The following TOGARAM1 variants were observed in gnomAD, a reference collection of about 807,000 sequenced individuals.
The protein encoded by TOGARAM1 is TOG array regulator of axonemal microtubules 1, also known as TOG array regulator of axonemal microtubules protein 1.
A neutral mutation model predicts 166.6 loss-of-function variants in TOGARAM1; 100 were observed. That is an observed-to-expected ratio of 0.60 (90% CI 0.51 to 0.71). The LOEUF (loss-of-function observed/expected upper bound fraction) is 0.71, where lower values mean the gene tolerates loss of function less well. Among genes scored for constraint, TOGARAM1 ranks in the 30% least tolerant of loss-of-function variants. The pLI, the probability that TOGARAM1 is intolerant of heterozygous loss-of-function variation, is 0.00. For synonymous variants in TOGARAM1, 758 were observed against 763.8 expected (o/e 0.99, Z 0.13); for missense variants, 2,029 against 2,102.7 (o/e 0.96, Z 0.69).
intron 16 of TOGARAM1, among the ~76,000 whole-genome samples, chr14:45,058,977 C>T (rs1426641414): frequency 6.6e-6 from 1 of 151,984 alleles, no homozygotes; most frequent in African/African-American, 2.4e-5. Context: ...ATGTTTAGGG[C>T]CCATTTGGGT....
chr14:45,050,242 C>A (rs907788332), intron 14 of TOGARAM1, among the ~76,000 whole-genome samples: 1 of 152,016 alleles, frequency 6.6e-6, no homozygotes, highest in Non-Finnish European at 1.5e-5. Flanking sequence ...GAAGGGGTCA[C>A]GTTGAGATAT....
At chr14:44,974,378 TG>T (rs1886066542) in intron 1 of TOGARAM1, among the ~76,000 whole-genome samples, 1 of 152,140 alleles carries the variant, frequency 6.6e-6, no homozygotes, top group South Asian at 2.1e-4. Flanking sequence ...TAACGCTTCA[TG>T]ACTTATATTA....
intron 16 of TOGARAM1, among the ~76,000 whole-genome samples, chr14:45,059,517 C>T (rs879864520): frequency 6.6e-5 from 10 of 152,016 alleles, no homozygotes; most frequent in Admixed American, 5.9e-4. Flanking sequence ...GACGTGATGG[C>T]GCACGCCTGT....
At chr14:45,066,512 A>G (rs1883143301) in intron 16 of TOGARAM1, 66 bp from the exon 17 acceptor site, 2 of 1,368,410 alleles carry the variant, frequency 1.5e-6, no homozygotes, top group Non-Finnish European at 2.0e-6. Flanking sequence ...TTTTTAAATT[A>G]TGTTTGTATA....
At chr14:45,049,480 C>T (rs914434437) in intron 14 of TOGARAM1, among the ~76,000 whole-genome samples, 2 of 152,062 alleles carry the variant, frequency 1.3e-5, no homozygotes, top group African/African-American at 2.4e-5. Context: ...AGGATCACCT[C>T]GATCTCCTGA....
chr14:45,043,480 T>C (rs1401211291), intron 11 of TOGARAM1, among the ~76,000 whole-genome samples: 1 of 152,096 alleles, frequency 6.6e-6, no homozygotes, highest in African/African-American at 2.4e-5. Context: ...CCAGCCCACA[T>C]TGCACTTTTA....
At chr14:45,042,652 A>G (rs1305616207) in intron 11 of TOGARAM1, among the ~76,000 whole-genome samples, 1 of 152,200 alleles carries the variant, frequency 6.6e-6, no homozygotes, top group Non-Finnish European at 1.5e-5. Context: ...AAAGATATAA[A>G]AGTTATCTTT....
intron 7 of TOGARAM1, among the ~76,000 whole-genome samples, chr14:45,015,434 A>G (rs1880073786): frequency 6.6e-6 from 1 of 151,648 alleles, no homozygotes; most frequent in African/African-American, 2.4e-5. Context: ...TGACTCAAAT[A>G]TATAATGCCT....
At chr14:45,040,986 A>T (rs955486184) in intron 11 of TOGARAM1, among the ~76,000 whole-genome samples, 5 of 151,844 alleles carry the variant, frequency 3.3e-5, no homozygotes, top group African/African-American at 9.7e-5. Flanking sequence ...TTGCAGTGAG[A>T]TGAGATCGCA....
rs1449067242 is a variant in TOGARAM1 at position 44,963,382 on chromosome 14, T to C, written c.961T>C (p.Tyr321His). 1 of 1,614,184 alleles carries C rather than the reference T, an allele frequency of 6.2e-7. No homozygotes were observed. The highest frequency in any genetic ancestry group is 1.1e-5 in the South Asian group (1 of 91,080). Residue 321 changes from tyrosine (Y) to histidine (H), a missense_variant, in exon 1 of 20, where the codon TAT becomes CAT. This residue lies in a region of TOGARAM1 where 1,453 missense variants were observed against 1,432.2 expected (regional missense o/e 1.01). Coordinates refer to ENST00000361462, the MANE Select transcript of TOGARAM1 (RefSeq NM_001308120.2). ...GTCCCAGTTTGGAAGTCAGGTTCCT[T>C]ATTATTTGGAACTTGAAGCCTCTGG... is the stretch of plus-strand genomic sequence containing the variant. The part of the protein sequence containing the change: ...LESQFGSQVP[Y>H]YLELEASGFP...
intron 1 of TOGARAM1, among the ~76,000 whole-genome samples, chr14:44,969,032 T>C (rs1014962597): frequency 8.5e-5 from 13 of 152,190 alleles, no homozygotes; most frequent in South Asian, 4.1e-4. Context: ...ATTTTCAGAT[T>C]GGTTTCTTTC....
At chr14:44,990,851 G>GTGTT (rs1428648811) in intron 1 of TOGARAM1, among the ~76,000 whole-genome samples, 1 of 150,738 alleles carries the variant, frequency 6.6e-6, no homozygotes, top group African/African-American at 2.5e-5. Flanking sequence ...GGGTCTTACT[G>GTGTT]TGTTGCCCAG....
chr14:44,969,771 T>C (rs563997750), intron 1 of TOGARAM1, among the ~76,000 whole-genome samples: 3 of 152,322 alleles, frequency 2.0e-5, no homozygotes, highest in East Asian at 3.9e-4. Flanking sequence ...TACATGTGCA[T>C]GTTCAGTTGT....
At chr14:45,060,112 G>T (rs935172823) in intron 16 of TOGARAM1, among the ~76,000 whole-genome samples, 44 of 150,900 alleles carry the variant, frequency 2.9e-4, no homozygotes, top group African/African-American at 9.5e-4. Context: ...TAGAGATGGG[G>T]TTTCACCGTG....
chr14:45,009,163 G>C lies in TOGARAM1; in HGVS notation c.3137+18G>C, dbSNP rs781078785. ...AGAATAATGTATTTTATTTTTTGAC[G>C]TGATAAATGAATGTTCCTCTGTAAT... On this transcript the variant is annotated intron_variant, in intron 6 of 19. Transcript: ENST00000361462. The C allele has an allele frequency of 5.1e-6, 8 of 1,564,398 alleles. No homozygotes were observed. The South Asian group carries it at 7.9e-5, about 15-fold the overall frequency.
intron 2 of TOGARAM1, 89 bp downstream of exon 2, chr14:44,995,991 C>G: frequency 9.6e-7 from 1 of 1,046,684 alleles, no homozygotes; most frequent in Non-Finnish European, 1.3e-6. Context: ...GAACTTTAAT[C>G]TAGTAGGCAG....
At chr14:44,974,372 G>A (rs777188564) in intron 1 of TOGARAM1, among the ~76,000 whole-genome samples, 1 of 151,822 alleles carries the variant, frequency 6.6e-6, no homozygotes, top group African/African-American at 2.4e-5. Context: ...TAGAAGTAAC[G>A]CTTCATGACT....
At chr14:45,011,297 T>C (rs1373745351) in intron 6 of TOGARAM1, among the ~76,000 whole-genome samples, 2 of 152,138 alleles carry the variant, frequency 1.3e-5, no homozygotes, top group African/African-American at 4.8e-5. Context: ...TAATTAAGAA[T>C]GATTTGACTT....
intron 7 of TOGARAM1, among the ~76,000 whole-genome samples, chr14:45,024,659 C>G (rs1880721762): frequency 6.6e-6 from 1 of 151,936 alleles, no homozygotes; most frequent in African/African-American, 2.4e-5. Context: ...TTCTCTTTGT[C>G]ACAGAACACG....
Sources: allele counts gnomAD v4.1 joint callset (sites outside exome capture counted in the v4.1 genomes callset), GRCh38; gene constraint gnomAD v4.1.1; regional missense constraint gnomAD v4.1.1; transcripts MANE v1.5; gene names NCBI Gene and HGNC (gene_info 2026-07-23, HGNC 2026-07-21).